CNTNAP5: variants seen among roughly 807,000 people sequenced by gnomAD.
The protein encoded by CNTNAP5 is contactin-associated protein-like 5.
In CNTNAP5, 72 loss-of-function variants were observed where a neutral mutation model predicts 150.2. That is an observed-to-expected ratio of 0.48 (90% confidence interval 0.40 to 0.58). CNTNAP5 has a LOEUF of 0.58. CNTNAP5 is among the 20% of genes least tolerant of loss of function. The pLI is 0.00. For synonymous variants in CNTNAP5, 672 were observed against 619.8 expected (o/e 1.08, Z -1.25); for missense variants, 1,636 against 1,626.2 (o/e 1.01, Z -0.10).
intron 21 of CNTNAP5, among the ~76,000 whole-genome samples, chr2:124,870,434 G>A (rs2104726096): frequency 6.6e-6 from 1 of 151,718 alleles, no homozygotes; most frequent in East Asian, 1.9e-4. Context: ...AGCTTTGTAG[G>A]TGATCTTGTG....
chr2:124,499,925 C>A (rs1270915286), intron 7 of CNTNAP5, among the ~76,000 whole-genome samples: 1 of 152,034 alleles, frequency 6.6e-6, no homozygotes, highest in Non-Finnish European at 1.5e-5. Context: ...TCTGGGAAGT[C>A]TCATGATCTG....
At chr2:124,774,304 C>G (rs1681274247) in intron 17 of CNTNAP5, among the ~76,000 whole-genome samples, 1 of 151,854 alleles carries the variant, frequency 6.6e-6, no homozygotes, top group Admixed American at 6.6e-5. Context: ...TACTTGCTTC[C>G]TTTAAATTTA....
chr2:124,137,825 G>T (rs1684013595), intron 1 of CNTNAP5, among the ~76,000 whole-genome samples: 1 of 151,688 alleles, frequency 6.6e-6, no homozygotes, highest in African/African-American at 2.4e-5. Context: ...CATGCAGAGG[G>T]CCATGAGCCT....
intron 6 of CNTNAP5, among the ~76,000 whole-genome samples, chr2:124,451,029 T>TAAAAA (rs1156744323): frequency 0.038 from 767 of 19,934 alleles, 123 homozygotes; most frequent in East Asian, 0.29. Flanking sequence ...CCATGTCTCT[T>TAAAAA]AAAAAAAAAA....
chr2:124,829,793 AG>A (rs1186734786), intron 19 of CNTNAP5, among the ~76,000 whole-genome samples: 2 of 151,946 alleles, frequency 1.3e-5, no homozygotes, highest in Non-Finnish European at 2.9e-5. Context: ...AACTTTGAAT[AG>A]CCATGATTAA....
chr2:124,716,992 G>A (rs1481799877), intron 13 of CNTNAP5, among the ~76,000 whole-genome samples: 1 of 151,882 alleles, frequency 6.6e-6, no homozygotes, highest in South Asian at 2.1e-4. Flanking sequence ...AAATATCCCG[G>A]GTGCTTATCC....
chr2:124,186,422 T>A (rs1685333267), intron 1 of CNTNAP5, among the ~76,000 whole-genome samples: 1 of 152,230 alleles, frequency 6.6e-6, no homozygotes, highest in Non-Finnish European at 1.5e-5. Context: ...TATGAAAGGT[T>A]ATAAGCCTAT....
intron 1 of CNTNAP5, among the ~76,000 whole-genome samples, chr2:124,147,392 A>G (rs1283981600): frequency 1.3e-5 from 2 of 152,248 alleles, no homozygotes; most frequent in East Asian, 3.8e-4. Flanking sequence ...GCAGGGAAAC[A>G]TGAATATTCA....
intron 12 of CNTNAP5, among the ~76,000 whole-genome samples, chr2:124,627,913 T>A (rs1326053242): frequency 6.6e-6 from 1 of 152,074 alleles, no homozygotes; most frequent in Non-Finnish European, 1.5e-5. Flanking sequence ...AAGACAATCA[T>A]AATGCAAACA....
chr2:124,607,052 A>G (rs1273698674), intron 11 of CNTNAP5, among the ~76,000 whole-genome samples: 2 of 152,176 alleles, frequency 1.3e-5, no homozygotes, highest in South Asian at 2.1e-4. Context: ...CCTTACTACA[A>G]CAGTATGAGG....
intron 1 of CNTNAP5, among the ~76,000 whole-genome samples, chr2:124,139,485 C>T (rs1351706608): frequency 2.0e-5 from 3 of 152,062 alleles, no homozygotes; most frequent in Admixed American, 6.5e-5. Flanking sequence ...TTGGTGTAGA[C>T]TTCTCCCAGT....
At chr2:124,867,904 T>A (rs140407373) in intron 20 of CNTNAP5, among the ~76,000 whole-genome samples, 1 of 152,212 alleles carries the variant, frequency 6.6e-6, no homozygotes, top group African/African-American at 2.4e-5. Context: ...AATTGACTTA[T>A]TAGGAAGTTC....
chr2:124,535,760 A>C (rs62172622), intron 10 of CNTNAP5, among the ~76,000 whole-genome samples: 25,853 of 152,082 alleles, frequency 0.17, 2,897 homozygotes, highest in Non-Finnish European at 0.24. Context: ...GTGCAGACAG[A>C]GCAAGACTCC....
chr2:124,267,796 T>C (rs1687649463), intron 3 of CNTNAP5, among the ~76,000 whole-genome samples: 1 of 152,168 alleles, frequency 6.6e-6, no homozygotes, highest in African/African-American at 2.4e-5. Context: ...TTGGGGAAAA[T>C]GCTCCTGGCA....
chr2:124,590,272 A>C (rs1334852665), intron 11 of CNTNAP5, among the ~76,000 whole-genome samples: 1 of 152,060 alleles, frequency 6.6e-6, no homozygotes, highest in Non-Finnish European at 1.5e-5. Flanking sequence ...CCGCACCTGC[A>C]CTCTCCTATC....
chr2:124,299,606 G>A (rs536127485), intron 3 of CNTNAP5, among the ~76,000 whole-genome samples: 63 of 144,036 alleles, frequency 4.4e-4, no homozygotes, highest in South Asian at 1.2e-3. Context: ...CATTTAGGTC[G>A]ATTCCATGTC....
intron 3 of CNTNAP5, among the ~76,000 whole-genome samples, chr2:124,388,130 G>A (rs1038079497): frequency 3.3e-5 from 5 of 152,118 alleles, no homozygotes; most frequent in Non-Finnish European, 5.9e-5. Flanking sequence ...TCATTGATAC[G>A]TTAACTCCCC....
chr2:124,313,244 G>C (rs1688879995), intron 3 of CNTNAP5, among the ~76,000 whole-genome samples: 1 of 152,118 alleles, frequency 6.6e-6, no homozygotes, highest in Non-Finnish European at 1.5e-5. Context: ...TCACCAGTCA[G>C]GAGTGGTTAG....
At chr2:124,772,377 A>T (rs1573606971) in intron 16 of CNTNAP5, among the ~76,000 whole-genome samples, 1 of 152,310 alleles carries the variant, frequency 6.6e-6, no homozygotes, top group East Asian at 1.9e-4. Flanking sequence ...TATAACATGC[A>T]TTAGTAAAAT....
Sources: gnomAD v4.1 joint callset for allele counts (sites outside exome capture counted in the v4.1 genomes callset) on GRCh38, gnomAD v4.1.1 for gene constraint, MANE v1.5 for transcripts, NCBI Gene and HGNC (gene_info 2026-07-23, HGNC 2026-07-21) for gene names.